Variants in LFNG observed in about 807,000 individuals in gnomAD.
LFNG encodes LFNG O-fucosylpeptide 3-beta-N-acetylglucosaminyltransferase.
LFNG carries 15 observed loss-of-function variants against 32.7 expected under a neutral mutation model. That is an observed-to-expected ratio of 0.46 (90% CI 0.31 to 0.71). The LOEUF (loss-of-function observed/expected upper bound fraction) is 0.71. LFNG is among the 30% of genes least tolerant of loss of function. The pLI, the probability that LFNG is intolerant of heterozygous loss-of-function variation, is 0.06. For missense variants in LFNG, 520 were observed against 545.7 expected (o/e 0.95, Z 0.47); for synonymous variants, 274 against 246.8 (o/e 1.11, Z -1.03).
chr7:2,528,890 A>G, downstream of LFNG: 2 of 559,276 alleles, frequency 3.6e-6, no homozygotes, highest in Non-Finnish European at 6.6e-6. Context: ...AAACTGAGGC[A>G]CGGAGCAGCT....
chr7:2,521,999 A>G lies in LFNG; in HGVS notation c.432+1706A>G, dbSNP rs958862987. Among the ~76,000 whole-genome samples, 34 of 152,192 alleles carry G rather than the reference A, an allele frequency of 2.2e-4. 1 individual carries two copies. The highest frequency in any genetic ancestry group is 8.8e-5 in the Non-Finnish European group (6 of 68,032). On this transcript the variant is annotated intron_variant, in intron 1 of 7. Coordinates refer to ENST00000222725, the MANE Select transcript of LFNG (RefSeq NM_001040167.2). ...CCTCAGCATCAGTTCACCAGCACACAGCAAGCAAAGACCCCCTTGTGGTGG... is the reference window on the plus strand; with the variant it reads ...CCTCAGCATCAGTTCACCAGCACACGGCAAGCAAAGACCCCCTTGTGGTGG...
In LFNG at chr7:2,526,381, A is replaced by G. The variant is rs1187202518; in HGVS notation, c.959A>G (p.Gln320Arg). The G allele has an allele frequency of 8.7e-6, 14 of 1,610,638 alleles. No homozygotes were observed. The highest frequency in any genetic ancestry group is 6.7e-5 in the Admixed American group (4 of 60,022). ...CACTCCCACCTGGAGAACCTGCAGCAGGTGCCCACCTCGGAGCTCCACGAG... is the reference window on the plus strand; with the variant it reads ...CACTCCCACCTGGAGAACCTGCAGCGGGTGCCCACCTCGGAGCTCCACGAG... ...LFHSHLENLQ[Q>R]VPTSELHEQV... The change falls in exon 6 of 8, where the codon CAG becomes CGG. Residue 320 changes from glutamine to arginine, a missense_variant. Gln to Arg is a conservative substitution (Grantham distance 43). Coordinates refer to ENST00000222725, the MANE Select transcript of LFNG (RefSeq NM_001040167.2). This position sits in a 1 kb window ranked among gnomAD's most constrained non-coding sequence, Gnocchi z 6.9.
Position 2,519,778 on chromosome 7 carries a change from G to C in LFNG, c.-84G>C, listed in dbSNP as rs912540923. The C allele has an allele frequency of 2.5e-6, 2 of 812,292 alleles. No individual in the cohort carries two copies. The highest frequency in any genetic ancestry group is 3.0e-6 in the Non-Finnish European group (2 of 667,288). The allele number at this position is 812,292 out of a possible 1,614,324, so 50.3% of individuals were successfully genotyped here. On this transcript the variant is annotated 5_prime_UTR_variant, in exon 1 of 8. Coordinates refer to ENST00000222725, the MANE Select transcript of LFNG (RefSeq NM_001040167.2). ...GCGGGACACTGGTGCTGCGCTGCTG[G>C]ACTGCGCCGCCGGAGCGACGGGCTT... is the stretch of plus-strand genomic sequence containing the variant.
In LFNG at chr7:2,528,019, T is replaced by G; in HGVS notation, c.*807T>G. The G allele has an allele frequency of 3.1e-6, 3 of 983,488 alleles. No individual in the cohort carries two copies. Among genetic ancestry groups the G allele is most frequent in the Non-Finnish European group, 1.2e-6 (1 of 829,564 alleles). 60.9% of individuals were successfully genotyped at this position (983,488 alleles called of 1,614,324 possible). On this transcript the variant is annotated 3_prime_UTR_variant, in exon 8 of 8. Transcript: ENST00000222725. Reference sequence around the variant, plus strand: ...GACAGTATTTTTTTACTGTGCTGTTTTTTTTGAAAGGGGATGGGTAAAAAG... The same window carrying G: ...GACAGTATTTTTTTACTGTGCTGTTGTTTTTGAAAGGGGATGGGTAAAAAG...
chr7:2,524,387 C>T (rs1034655713), intron 1 of LFNG, among the ~76,000 whole-genome samples: 2 of 152,210 alleles, frequency 1.3e-5, no homozygotes, highest in Non-Finnish European at 2.9e-5. Flanking sequence ...GCGGGCGAGG[C>T]GCACCACCTG....
At chr7:2,516,887 G>C (rs1583269452), upstream of LFNG, among the ~76,000 whole-genome samples, 1 of 152,310 alleles carries the variant, frequency 6.6e-6, no homozygotes, top group African/African-American at 2.4e-5. Flanking sequence ...CCGGTTCAAG[G>C]TCTTAAAGCC....
At position 2,520,536 on chromosome 7, in the gene LFNG, C is replaced by T. The variant is rs368524736; in HGVS notation, c.432+243C>T. Among the ~76,000 whole-genome samples the T allele has an allele frequency of 1.3e-5, 2 of 152,244 alleles. No individual in the cohort carries two copies. The highest frequency in any genetic ancestry group is 4.8e-5 in the African/African-American group (2 of 41,480). On this transcript the variant is annotated intron_variant, in intron 1 of 7. Coordinates refer to ENST00000222725, the MANE Select transcript of LFNG (RefSeq NM_001040167.2). This position sits in a 1 kb window ranked among gnomAD's most constrained non-coding sequence, Gnocchi z 5.0. The stretch of plus-strand genomic sequence containing the variant: ...CCAGCTCCAGAGTCCTGGATGGCTG[C>T]AGGACCCTACACCAGTCTCCAGTGC...
At chr7:2,515,028 ATCCATCCATCCATCCATCTG>A (rs1413328418), upstream of LFNG, among the ~76,000 whole-genome samples, 4 of 59,172 alleles carry the variant, frequency 6.8e-5, no homozygotes, top group South Asian at 5.9e-4. Context: ...CTATCCATCC[ATCCATCCATCCATCCATCTG>A]TCCATCCATC....
upstream of LFNG, chr7:2,513,034 A>G: frequency 2.2e-6 from 2 of 915,214 alleles, no homozygotes. Flanking sequence ...AAGACTTTCC[A>G]GAAGTCCCCT....
Position 2,525,504 on chromosome 7 carries a change from C to T in LFNG, c.672C>T (p.Tyr224=), listed in dbSNP as rs151012354. The change falls in exon 4 of 8, where the codon TAC becomes TAT. Residue 224 remains tyrosine, a synonymous_variant. Coordinates refer to ENST00000222725, the MANE Select transcript of LFNG (RefSeq NM_001040167.2). ...LASYPHTRDV[Y]VGKPSLDRPI... is the part of the protein sequence containing the mutation. Reference sequence around the variant, plus strand: ...GCTACCCGCACACGCGGGACGTCTACGTCGGCAAGCCCAGCCTGGACAGGC... The same window carrying T: ...GCTACCCGCACACGCGGGACGTCTATGTCGGCAAGCCCAGCCTGGACAGGC... 132 of 1,612,332 alleles carry T rather than the reference C, an allele frequency of 8.2e-5. No individual in the cohort carries two copies. Among genetic ancestry groups the T allele is most frequent in the Admixed American group, 3.5e-4 (21 of 59,974 alleles).
chr7:2,525,963 C>A (rs923543867), intron 5 of LFNG, among the ~76,000 whole-genome samples, 193 bp downstream of exon 5: 3 of 152,198 alleles, frequency 2.0e-5, no homozygotes, highest in African/African-American at 7.2e-5. Flanking sequence ...CCAAGCCTGA[C>A]CTGCTCAGAG....
chr7:2,516,700 A>C (rs151213546), upstream of LFNG, among the ~76,000 whole-genome samples: 5 of 152,256 alleles, frequency 3.3e-5, no homozygotes, highest in East Asian at 9.7e-4. Context: ...CCATTCGCAC[A>C]CCCAGCTGCC....
At chr7:2,515,082 C>G (rs1041678048), upstream of LFNG, among the ~76,000 whole-genome samples, 1 of 151,608 alleles carries the variant, frequency 6.6e-6, no homozygotes, top group Non-Finnish European at 1.5e-5. Flanking sequence ...ATCCGTCCAT[C>G]CATCCATCCA....
At position 2,528,259 on chromosome 7, in the gene LFNG, C is replaced by T. The variant is rs769360562; in HGVS notation, c.*1047C>T. The T allele has an allele frequency of 5.1e-6, 5 of 985,924 alleles. No individual in the cohort carries two copies. The African/African-American group carries it at 5.2e-5, about 10-fold the overall frequency. 61.1% of individuals were successfully genotyped at this position (985,924 alleles called of 1,614,324 possible). A position where few individuals can be genotyped will look rare whatever the true frequency, so the allele number is the denominator to read the frequency against. ...TCCTCCTGTGTAGCTGCCACCTCCC[C>T]GCTGGGCCCAGCATGGCTCACCTGT... On this transcript the variant is annotated 3_prime_UTR_variant, in exon 8 of 8. Coordinates refer to ENST00000222725, the MANE Select transcript of LFNG (RefSeq NM_001040167.2).
chr7:2,520,356 T>G lies in LFNG; in HGVS notation c.432+63T>G, dbSNP rs1481110950. The G allele has an allele frequency of 6.9e-7, 1 of 1,444,900 alleles. No individual in the cohort carries two copies. 89.5% of individuals were successfully genotyped at this position (1,444,900 alleles called of 1,614,324 possible). On this transcript the variant is annotated intron_variant, in intron 1 of 7. Coordinates refer to ENST00000222725, the MANE Select transcript of LFNG (RefSeq NM_001040167.2). This position sits in a 1 kb window ranked among gnomAD's most constrained non-coding sequence, Gnocchi z 5.0. The stretch of plus-strand genomic sequence containing the variant: ...GCGGGGACCCACCATCTGGTCCAGC[T>G]GGTGGCAGTGTCCCATGGGAGTCAG...
At position 2,525,298 on chromosome 7, in the gene LFNG, C is replaced by A. The variant is rs1341280122; in HGVS notation, c.561C>A (p.Arg187=). 6.2e-7 allele frequency: 1 copy of A among 1,613,030 alleles called. No individual in the cohort carries two copies. The highest frequency in any genetic ancestry group is 1.1e-5 in the South Asian group (1 of 91,088). Residue 187 remains arginine, a synonymous_variant, in exon 3 of 8, where the codon CGC becomes CGA. Transcript: ENST00000222725. ...LSCKMAVEYD[R]FIESGRKWFC... ...GCAAGATGGCCGTGGAGTATGACCG[C>A]TTCATCGAGTCCGGCAGGAAGTGAG...
chr7:2,528,610 G>A (rs947317997), downstream of LFNG, among the ~76,000 whole-genome samples: 5 of 152,138 alleles, frequency 3.3e-5, no homozygotes, highest in Non-Finnish European at 4.4e-5. Context: ...GCTGCCTGCT[G>A]GTGACTACAG....
upstream of LFNG, among the ~76,000 whole-genome samples, chr7:2,518,168 G>A (rs781494301): frequency 1.3e-5 from 2 of 152,174 alleles, no homozygotes; most frequent in Non-Finnish European, 2.9e-5. Flanking sequence ...CCAGTCACTG[G>A]GTCCTTTTCT....
chr7:2,528,199 T>C lies in LFNG; in HGVS notation c.*987T>C. ...GACTGTCTGGCACTCTGTGTATTTA[T>C]GCGTTCCAGCATCTGGAACCTCCCA... On this transcript the variant is annotated 3_prime_UTR_variant, in exon 8 of 8. Coordinates refer to ENST00000222725, the MANE Select transcript of LFNG (RefSeq NM_001040167.2). 3.0e-6 allele frequency: 3 copies of C among 985,872 alleles called. No individual in the cohort carries two copies. Among genetic ancestry groups the C allele is most frequent in the South Asian group, 9.4e-5 (2 of 21,306 alleles). 61.1% of individuals were successfully genotyped at this position (985,872 alleles called of 1,614,324 possible).
Sources: allele counts gnomAD v4.1 joint callset (sites outside exome capture counted in the v4.1 genomes callset), GRCh38; gene constraint gnomAD v4.1.1; non-coding constraint Gnocchi (gnomAD v3.1); transcripts MANE v1.5; gene names NCBI Gene and HGNC (gene_info 2026-07-23, HGNC 2026-07-21).